Variants in APAF1 observed in about 807,000 individuals in gnomAD.
APAF1 encodes apoptotic protease-activating factor 1.
APAF1 carries 91 observed loss-of-function variants against 152.4 expected under a neutral mutation model. That is an observed-to-expected ratio of 0.60 (90% CI 0.50 to 0.71). The LOEUF (loss-of-function observed/expected upper bound fraction) is 0.71, where lower values mean the gene tolerates loss of function less well. Ranked by LOEUF, APAF1 falls within the 30% of genes least tolerant of loss-of-function variation. The probability of loss-of-function intolerance (pLI) is 0.00; values close to 1 mark genes in which losing one functional copy is unlikely to be tolerated. For synonymous variants in APAF1, 484 were observed against 494.1 expected (o/e 0.98, Z 0.27); for missense variants, 1,283 against 1,472.0 (o/e 0.87, Z 2.10).
chr12:98,698,268 G>C (rs907077747), intron 16 of APAF1, among the ~76,000 whole-genome samples: 3 of 152,124 alleles, frequency 2.0e-5, no homozygotes, highest in Admixed American at 2.0e-4. Context: ...GCCCAGGCTG[G>C]TCTTGAACTC....
At chr12:98,730,053 C>T (rs1352973804) in intron 26 of APAF1, among the ~76,000 whole-genome samples, 1 of 152,192 alleles carries the variant, frequency 6.6e-6, no homozygotes, top group Admixed American at 6.5e-5. Flanking sequence ...GATCATTACA[C>T]ATTGTATCAC....
In APAF1 at chr12:98,734,984, G is replaced by C. The variant is rs763463259; in HGVS notation, c.*2418G>C. The C allele has an allele frequency of 1.6e-5, 6 of 385,044 alleles. No individual in the cohort carries two copies. Among genetic ancestry groups the C allele is most frequent in the Non-Finnish European group, 2.7e-5 (6 of 218,608 alleles). 23.9% of individuals were successfully genotyped at this position (385,044 alleles called of 1,614,324 possible). A position where few individuals can be genotyped will look rare whatever the true frequency, so the allele number is the denominator to read the frequency against. ...AATTAGGAGCCAGGTGCGGTGGCAC[G>C]TGCCTGTAATCCCAGCTCCTTGGGA... is the stretch of plus-strand genomic sequence containing the variant. On this transcript the variant is annotated 3_prime_UTR_variant, in exon 27 of 27. Transcript: ENST00000551964.
intron 12 of APAF1, among the ~76,000 whole-genome samples, chr12:98,672,887 T>C (rs1357846380): frequency 6.6e-6 from 1 of 151,928 alleles, no homozygotes; most frequent in Non-Finnish European, 1.5e-5. Flanking sequence ...CCCGAGTAGC[T>C]GGAATTACAG....
chr12:98,699,381 T>C, intron 16 of APAF1, 27 bp from the exon 17 acceptor site: 1 of 1,609,116 alleles, frequency 6.2e-7, no homozygotes, highest in Non-Finnish European at 8.5e-7. Flanking sequence ...AAACAAACTT[T>C]TTCTTTTTTA....
At chr12:98,658,334 C>T (rs544889544) in intron 4 of APAF1, among the ~76,000 whole-genome samples, 1 of 152,246 alleles carries the variant, frequency 6.6e-6, no homozygotes, top group Admixed American at 6.5e-5. Flanking sequence ...TAATCATGGC[C>T]ATTCCTAGTG....
chr12:98,727,969 T>TAAA (rs1593121414), intron 26 of APAF1, among the ~76,000 whole-genome samples: 9 of 140,620 alleles, frequency 6.4e-5, no homozygotes, highest in South Asian at 2.2e-4. Flanking sequence ...AATAAATAAA[T>TAAA]TAATTAATTA....
Position 98,723,704 on chromosome 12 carries a change from T to C in APAF1, c.3270T>C (p.Ser1090=). 1.2e-6 allele frequency: 2 copies of C among 1,613,662 alleles called. No homozygotes were observed. The highest frequency in any genetic ancestry group is 8.5e-7 in the Non-Finnish European group (1 of 1,179,690). The change falls in exon 24 of 27, where the codon TCT becomes TCC. Residue 1090 remains serine (S), a synonymous_variant. Transcript: ENST00000551964. ...TCTGTCACCAGGGTACAGTACTTTC[T>C]TGTGACATTTCTCACGATGCTACCA... ...DFVCHQGTVL[S]CDISHDATKF...
rs772659675 is a variant in APAF1 at position 98,703,395 on chromosome 12, C to G, written c.2491C>G (p.Leu831Val). ...IFLFDIHTSG[L>V]LGEIHTGHHS... ...GCTTTTTGACATTCATACTAGTGGC[C>G]TATTGGGAGAAATCCACACGGGCCA... Residue 831 changes from leucine to valine, a missense_variant, in exon 18 of 27, where the codon CTA (leucine) becomes GTA (valine). Coordinates refer to ENST00000551964, the MANE Select transcript of APAF1 (RefSeq NM_181861.2). The G allele has an allele frequency of 6.2e-7, 1 of 1,614,064 alleles. No homozygotes were observed. The highest frequency in any genetic ancestry group is 8.5e-7 in the Non-Finnish European group (1 of 1,179,994).
rs113191658 is a variant in APAF1, at chr12:98,683,810, C to T, written c.2178+536C>T. Among the ~76,000 whole-genome samples the T allele has an allele frequency of 7.1e-4, 108 of 152,330 alleles. 1 individual carries two copies. The highest frequency in any genetic ancestry group is 2.4e-3 in the African/African-American group (101 of 41,566). Reference sequence around the variant, plus strand: ...AAGTGGGACAAATGAGTGAGGTCAACTCTACTTGAATCGTAAGTAGAGCTT... The same window carrying T: ...AAGTGGGACAAATGAGTGAGGTCAATTCTACTTGAATCGTAAGTAGAGCTT... On this transcript the variant is annotated intron_variant, in intron 15 of 26. Transcript: ENST00000551964.
Position 98,715,281 on chromosome 12 carries a change from T to TGA in APAF1, c.2959-145_2959-144dup, listed in dbSNP as rs1555221587. 1,070 of 279,918 alleles carry TGA rather than the reference T, an allele frequency of 3.8e-3. 19 individuals are homozygous for TGA. The highest frequency in any genetic ancestry group is 0.02 in the East Asian group (192 of 9,642). 17.3% of individuals were successfully genotyped at this position (279,918 alleles called of 1,614,324 possible). ...ATATATATATATATATATATATATA[T>TGA]GACATTCATTTGTTTTTAATTAGGC... is the stretch of plus-strand genomic sequence containing the variant. On this transcript the variant is annotated intron_variant, in intron 21 of 26. Coordinates refer to ENST00000551964, the MANE Select transcript of APAF1 (RefSeq NM_181861.2).
chr12:98,662,807 G>A lies in APAF1; in HGVS notation c.955+1G>A. 1 of 1,607,648 alleles carries A rather than the reference G, an allele frequency of 6.2e-7. No homozygotes were observed. The highest frequency in any genetic ancestry group is 8.5e-7 in the Non-Finnish European group (1 of 1,176,208). On this transcript the variant is annotated splice_donor_variant, in intron 7 of 26. Transcript: ENST00000551964. LOFTEE classifies it high-confidence loss of function. ...CATAGTATTATAAAAGAATGTAAAG[G>A]TATGGTTATTTATTTGTTTATGAGG...
intron 5 of APAF1, among the ~76,000 whole-genome samples, chr12:98,660,314 C>A (rs1320222726): frequency 6.6e-6 from 1 of 151,716 alleles, no homozygotes; most frequent in Admixed American, 6.6e-5. Flanking sequence ...CCACTGTATT[C>A]CAGCTTGGGT....
At chr12:98,649,823 T>C (rs2097646650) in intron 4 of APAF1, 139 bp downstream of exon 4, 1 of 812,228 alleles carries the variant, frequency 1.2e-6, no homozygotes, top group Non-Finnish European at 2.0e-6. Context: ...ATATGTTAAC[T>C]CTCTGAAGGG....
At chr12:98,729,493 A>G (rs2097756859) in intron 26 of APAF1, among the ~76,000 whole-genome samples, 1 of 152,196 alleles carries the variant, frequency 6.6e-6, no homozygotes, top group South Asian at 2.1e-4. Context: ...TCAGGTGGTA[A>G]TGTTCACTCA....
At chr12:98,663,312 T>C (rs2097667943) in intron 7 of APAF1, among the ~76,000 whole-genome samples, 1 of 152,218 alleles carries the variant, frequency 6.6e-6, no homozygotes, top group African/African-American at 2.4e-5. Flanking sequence ...TATTTCTAAA[T>C]ACTCAAAAAA....
In APAF1 at chr12:98,659,023, A is replaced by G. The variant is rs148710599; in HGVS notation, c.527-137A>G. On this transcript the variant is annotated intron_variant, in intron 4 of 26. Coordinates refer to ENST00000551964, the MANE Select transcript of APAF1 (RefSeq NM_181861.2). ...AGCCTACCAGTATCTTGCACGTAAA[A>G]TTTCTACTCTAAATCAAGAGAAGTT... 705 of 831,206 alleles carry G rather than the reference A, an allele frequency of 8.5e-4. 4 individuals carry two copies. In the African/African-American group the frequency reaches 0.011, roughly 13 times the overall value. 51.5% of individuals were successfully genotyped at this position (831,206 alleles called of 1,614,324 possible).
At chr12:98,688,546 A>G (rs1383336544) in intron 16 of APAF1, among the ~76,000 whole-genome samples, 1 of 139,886 alleles carries the variant, frequency 7.1e-6, no homozygotes, top group Non-Finnish European at 1.5e-5. Context: ...ATCATGGCTC[A>G]CTGCAGCCTT....
At chr12:98,699,359 G>A in intron 16 of APAF1, 49 bp from the exon 17 acceptor site, 2 of 1,566,880 alleles carry the variant, frequency 1.3e-6, no homozygotes, top group South Asian at 2.3e-5. Context: ...CTAGAAGTGT[G>A]ATTATAGAGT....
At chr12:98,712,563 G>A (rs1409593825) in intron 21 of APAF1, 128 bp downstream of exon 21, 4 of 677,538 alleles carry the variant, frequency 5.9e-6, no homozygotes, top group South Asian at 1.6e-5. Flanking sequence ...TGTCACCCAC[G>A]CTGAGTACAG....
Sources: gnomAD v4.1 joint callset for allele counts (sites outside exome capture counted in the v4.1 genomes callset) on GRCh38, gnomAD v4.1.1 for gene constraint, MANE v1.5 for transcripts, NCBI Gene and HGNC (gene_info 2026-07-23, HGNC 2026-07-21) for gene names.